DCC: variants seen among roughly 807,000 people sequenced by gnomAD.
DCC encodes the protein netrin receptor DCC.
Under a neutral mutation model 172.5 loss-of-function variants are expected in DCC, and 58 were observed. The ratio of observed to expected loss-of-function variants is 0.34; its 90% CI spans 0.27 to 0.42. DCC has a LOEUF of 0.42. Among genes scored for constraint, DCC ranks in the 10% least tolerant of loss-of-function variants. The probability of loss-of-function intolerance (pLI) is 1.00; values close to 1 mark genes in which losing one functional copy is unlikely to be tolerated. For synonymous variants in DCC, 709 were observed against 644.5 expected (o/e 1.10, Z -1.52); for missense variants, 1,740 against 1,791.0 (o/e 0.97, Z 0.51).
At chr18:53,216,148 A>G (rs1448750215) in intron 12 of DCC, among the ~76,000 whole-genome samples, 2 of 152,214 alleles carry the variant, frequency 1.3e-5, no homozygotes, top group Non-Finnish European at 2.9e-5. Flanking sequence ...ATGACTTCCA[A>G]AGGAGCTCAA....
rs1202694637 is a variant in DCC at position 52,798,078 on chromosome 18, A to AAGGTTGCTTGCACG, written c.412+45705_412+45706insGGTTGCTTGCACGA. On this transcript the variant is annotated intron_variant, in intron 2 of 28. Transcript: ENST00000442544. ...TTGCTTGCACGAAGGTTGCTTGCAC[A>AAGGTTGCTTGCACG]AAGGCTACACATAGCAGCTTCTTCC... Among the ~76,000 whole-genome samples, 323 of 150,092 alleles carry AAGGTTGCTTGCACG rather than the reference A, an allele frequency of 2.2e-3. 1 individual carries two copies. Among genetic ancestry groups the AAGGTTGCTTGCACG allele is most frequent in the Middle Eastern group, 3.4e-3 (1 of 294 alleles).
chr18:53,333,141 C>T (rs1315388230), intron 14 of DCC, among the ~76,000 whole-genome samples: 1 of 151,566 alleles, frequency 6.6e-6, no homozygotes, highest in Non-Finnish European at 1.5e-5. Flanking sequence ...AAGTAGAGTT[C>T]AGTGGTGAAT....
At chr18:53,030,367 AGT>A (rs2042011286) in intron 5 of DCC, among the ~76,000 whole-genome samples, 1 of 152,110 alleles carries the variant, frequency 6.6e-6, no homozygotes, top group African/African-American at 2.4e-5. Flanking sequence ...TACTCAATAA[AGT>A]GTGTGGAATG....
intron 1 of DCC, among the ~76,000 whole-genome samples, chr18:52,388,897 G>A (rs1985922409): frequency 1.3e-5 from 2 of 152,074 alleles, no homozygotes; most frequent in Admixed American, 6.5e-5. Context: ...ATATTTTTGG[G>A]CAAAAGTGTC....
chr18:53,294,417 T>C (rs12968962), intron 12 of DCC, among the ~76,000 whole-genome samples: 23,343 of 152,094 alleles, frequency 0.15, 2,508 homozygotes, highest in African/African-American at 0.3. Context: ...CAGTTATGCC[T>C]GATAGGGGAG....
At chr18:52,818,207 C>T (rs79929341) in intron 2 of DCC, 17,163 of 151,772 alleles carry the variant, frequency 0.11, 1,064 homozygotes, top group South Asian at 0.2. Flanking sequence ...TAGTAAGACC[C>T]TGTCTCTACA....
intron 1 of DCC, among the ~76,000 whole-genome samples, chr18:52,402,258 C>A (rs28368795): frequency 0.14 from 21,382 of 151,832 alleles, 1,625 homozygotes; most frequent in Non-Finnish European, 0.16. Flanking sequence ...ACTCTCTGAT[C>A]GATTTAAATG....
chr18:53,033,688 ACAAATATGC>A (rs1372319455), intron 5 of DCC, among the ~76,000 whole-genome samples: 2 of 152,176 alleles, frequency 1.3e-5, no homozygotes, highest in Middle Eastern at 3.4e-3. Flanking sequence ...TCAACCACAT[ACAAATATGC>A]CATAATACTC....
At chr18:53,265,876 G>A (rs1008547806) in intron 12 of DCC, among the ~76,000 whole-genome samples, 5 of 152,146 alleles carry the variant, frequency 3.3e-5, no homozygotes, top group Non-Finnish European at 7.4e-5. Flanking sequence ...TGATACCTCT[G>A]TTCTTCAAGG....
At chr18:53,055,585 C>A (rs1042285287) in intron 5 of DCC, among the ~76,000 whole-genome samples, 4 of 152,136 alleles carry the variant, frequency 2.6e-5, no homozygotes, top group African/African-American at 4.8e-5. Flanking sequence ...ATACATTCTA[C>A]TCTCTTAAGG....
intron 27 of DCC, among the ~76,000 whole-genome samples, chr18:53,502,800 A>G (rs2046120080): frequency 1.3e-5 from 2 of 152,070 alleles, no homozygotes; most frequent in South Asian, 4.1e-4. Context: ...GGATCAAGGA[A>G]GAAGCTCTTT....
chr18:53,218,225 T>C (rs888682703), intron 12 of DCC, among the ~76,000 whole-genome samples: 3 of 152,142 alleles, frequency 2.0e-5, no homozygotes, highest in Admixed American at 2.0e-4. Context: ...GTATTCTATA[T>C]CATATTTGTA....
At chr18:53,235,148 G>A (rs1436183916) in intron 12 of DCC, among the ~76,000 whole-genome samples, 1 of 152,152 alleles carries the variant, frequency 6.6e-6, no homozygotes, top group African/African-American at 2.4e-5. Flanking sequence ...ATCAAGTAGA[G>A]GTTCTCAGGT....
chr18:52,735,328 G>A (rs1040803557), intron 1 of DCC, among the ~76,000 whole-genome samples: 3 of 151,978 alleles, frequency 2.0e-5, no homozygotes, highest in African/African-American at 7.2e-5. Flanking sequence ...AAGTTATTTG[G>A]GATATCATAG....
intron 1 of DCC, among the ~76,000 whole-genome samples, chr18:52,350,961 T>C (rs558293491): frequency 7.4e-4 from 113 of 152,242 alleles, no homozygotes; most frequent in Non-Finnish European, 1.1e-3. Flanking sequence ...TACAGCCCAG[T>C]GAGATAAATA....
At chr18:52,828,406 C>A (rs543485879) in intron 2 of DCC, among the ~76,000 whole-genome samples, 4 of 151,594 alleles carry the variant, frequency 2.6e-5, no homozygotes, top group Admixed American at 2.6e-4. Context: ...CTTACAACCC[C>A]GTCTTATAAA....
intron 1 of DCC, among the ~76,000 whole-genome samples, chr18:52,535,155 A>G (rs919113088): frequency 6.6e-6 from 1 of 152,172 alleles, no homozygotes; most frequent in African/African-American, 2.4e-5. Context: ...ACAATCAATA[A>G]TCAATCAAAG....
chr18:53,375,616 C>CTT (rs1555660824), intron 15 of DCC, among the ~76,000 whole-genome samples: 2,633 of 122,954 alleles, frequency 0.021, 73 homozygotes, highest in African/African-American at 0.082. Context: ...ATATTTAATT[C>CTT]TTTTTTTTTT....
chr18:53,090,732 A>AAAAAAAAAAAAAAAAAAAAAAAAAAAAT (rs1568298492), intron 7 of DCC, among the ~76,000 whole-genome samples: 7 of 129,076 alleles, frequency 5.4e-5, no homozygotes, highest in Non-Finnish European at 1.2e-4. Flanking sequence ...AAAAAAAAAA[A>AAAAAAAAAAAAAAAAAAAAAAAAAAAAT]AAGAATGTAT....
Sources: allele counts gnomAD v4.1 joint callset (sites outside exome capture counted in the v4.1 genomes callset), GRCh38; gene constraint gnomAD v4.1.1; transcripts MANE v1.5; gene names NCBI Gene and HGNC (gene_info 2026-07-23, HGNC 2026-07-21).